Variants in DNAH17 observed in about 807,000 individuals in gnomAD.
The protein encoded by DNAH17 is dynein axonemal heavy chain 17.
Under a neutral mutation model 485.6 loss-of-function variants are expected in DNAH17, and 376 were observed. The observed-to-expected ratio is 0.77, with a 90% CI of 0.71 to 0.84. The LOEUF (loss-of-function observed/expected upper bound fraction) is 0.84. Among genes scored for constraint, DNAH17 ranks in the 40% least tolerant of loss-of-function variants. DNAH17 has a pLI of 0.00. For synonymous variants in DNAH17, 3,031 were observed against 2,405.9 expected, an observed-to-expected ratio of 1.26 and a Z score of -7.60; for missense variants, 6,370 against 5,839.3, an observed-to-expected ratio of 1.09 and a Z score of -2.96.
chr17:78,558,883 T>C (rs919631214), intron 13 of DNAH17, among the ~76,000 whole-genome samples: 5 of 152,184 alleles, frequency 3.3e-5, no homozygotes, highest in African/African-American at 9.6e-5. Context: ...TATTGCTGAA[T>C]CCACTGGTCA....
rs2087558465 is a variant in DNAH17 at position 78,451,635 on chromosome 17, G to A, written c.10568C>T (p.Pro3523Leu). Reference sequence around the variant, plus strand: ...GGTGTGTAGGATCAGGCGGAACTTGGGGTGGTACTCCACCTCCTTGTCACC... The same window carrying A: ...GGTGTGTAGGATCAGGCGGAACTTGAGGTGGTACTCCACCTCCTTGTCACC... The part of the protein sequence containing the change: ...KIGDKEVEYH[P>L]KFRLILHTKY... Residue 3523 changes from proline (P) to leucine (L), a missense_variant, in exon 66 of 81, where the codon CCC (proline) becomes CTC (leucine). Coordinates refer to ENST00000389840, the MANE Select transcript of DNAH17 (RefSeq NM_173628.4). 6.3e-7 allele frequency: 1 copy of A among 1,594,988 alleles called. No homozygotes were observed. The highest frequency in any genetic ancestry group is 8.5e-7 in the Non-Finnish European group (1 of 1,170,564).
At position 78,441,105 on chromosome 17, in the gene DNAH17, T is replaced by C. The variant is rs141735178; in HGVS notation, c.11623A>G (p.Ile3875Val). ...SYEESSPSTSIFFILSPGVDP... is the reference protein window; with the variant it reads ...SYEESSPSTSVFFILSPGVDP... Reference sequence around the variant, plus strand: ...ACCCCCGGGGAGAGGATGAAGAAGATTGACGTGGAGGGGCTGCTCTCCTCG... The same window carrying C: ...ACCCCCGGGGAGAGGATGAAGAAGACTGACGTGGAGGGGCTGCTCTCCTCG... Residue 3875 changes from isoleucine (I) to valine (V), a missense_variant, in exon 72 of 81, where the codon ATC becomes GTC. Ile to Val is a conservative substitution (Grantham distance 29). Coordinates refer to ENST00000389840, the MANE Select transcript of DNAH17 (RefSeq NM_173628.4). 320 of 1,613,398 alleles carry C rather than the reference T, an allele frequency of 2.0e-4. No homozygotes were observed. Among genetic ancestry groups the C allele is most frequent in the African/African-American group, 1.7e-3 (131 of 74,940 alleles).
chr17:78,545,036 C>T (rs552393207), intron 16 of DNAH17, among the ~76,000 whole-genome samples: 1 of 152,092 alleles, frequency 6.6e-6, no homozygotes, highest in South Asian at 2.1e-4. Flanking sequence ...ACCTTTCCTC[C>T]TCCTCACGGC....
At position 78,501,877 on chromosome 17, in the gene DNAH17, C is replaced by CG. The variant is rs752171987; in HGVS notation, c.5191-5dup. ...TGAGTACGTTCAGCTGGCTAATCTG[C>CG]GGGGGAGAGTGCCTTCGATGAGACA... On this transcript the variant is annotated splice_region_variant and splice_polypyrimidine_tract_variant and intron_variant, in intron 33 of 80. Transcript: ENST00000389840. 3.7e-6 allele frequency: 6 copies of CG among 1,613,734 alleles called. No individual in the cohort carries two copies. The highest frequency in any genetic ancestry group is 1.7e-5 in the Admixed American group (1 of 59,986).
chr17:78,448,221 T>C (rs1392016715), intron 69 of DNAH17, among the ~76,000 whole-genome samples: 4 of 150,212 alleles, frequency 2.7e-5, no homozygotes, highest in Non-Finnish European at 4.4e-5. Context: ...AAAAATTAGC[T>C]AGGCACAGCA....
At chr17:78,450,603 T>C (rs1485535480) in intron 67 of DNAH17, 79 bp downstream of exon 67, 1 of 1,522,422 alleles carries the variant, frequency 6.6e-7, no homozygotes, top group East Asian at 2.4e-5. Flanking sequence ...TCCTTTCTCA[T>C]GGTAGGGAGG....
chr17:78,502,016 C>A (rs1272826683), intron 33 of DNAH17, 143 bp from the exon 34 acceptor site: 2 of 1,207,030 alleles, frequency 1.7e-6, no homozygotes, highest in African/African-American at 1.5e-5. Flanking sequence ...CCTCGGTAGG[C>A]CCCAGCCAGG....
intron 52 of DNAH17, 134 bp downstream of exon 52, chr17:78,476,438 T>C: frequency 9.3e-7 from 1 of 1,075,454 alleles, no homozygotes; most frequent in Admixed American, 2.9e-5. Flanking sequence ...AATGATCGCG[T>C]GGAACCTAAC....
chr17:78,456,618 A>G (rs1246514519), intron 62 of DNAH17, among the ~76,000 whole-genome samples: 1 of 152,174 alleles, frequency 6.6e-6, no homozygotes, highest in Non-Finnish European at 1.5e-5. Context: ...TCGGGCCACC[A>G]TCTTGAGGAC....
intron 37 of DNAH17, among the ~76,000 whole-genome samples, chr17:78,498,576 C>T (rs1021525993): frequency 8.5e-5 from 13 of 152,226 alleles, no homozygotes; most frequent in African/African-American, 2.9e-4. Flanking sequence ...CTCCGCTGCA[C>T]GCTCTGTGCC....
At position 78,455,739 on chromosome 17, in the gene DNAH17, T is replaced by A; in HGVS notation, c.10075A>T (p.Ile3359Phe). The change falls in exon 63 of 81, where the codon ATC becomes TTC. Residue 3359 changes from isoleucine to phenylalanine, a missense_variant. Ile to Phe is a conservative substitution (Grantham distance 21, BLOSUM62 0). Transcript: ENST00000389840. ...GVTLCGDVLLISAFVSYVGYF... is the reference protein window; with the variant it reads ...GVTLCGDVLLFSAFVSYVGYF... ...CCCACGTAGGACACGAAGGCAGAGA[T>A]GAGCAGGACGTCCCCACACAGCGTG... 1 of 1,612,738 alleles carries A rather than the reference T, an allele frequency of 6.2e-7. No individual in the cohort carries two copies. The highest frequency in any genetic ancestry group is 8.5e-7 in the Non-Finnish European group (1 of 1,179,462).
intron 54 of DNAH17, among the ~76,000 whole-genome samples, chr17:78,474,442 G>A (rs1283164272): frequency 1.3e-5 from 2 of 152,246 alleles, no homozygotes; most frequent in Non-Finnish European, 2.9e-5. Flanking sequence ...TTGGGCATGG[G>A]AGACCTTATG....
chr17:78,445,098 G>A (rs980856076), intron 70 of DNAH17, among the ~76,000 whole-genome samples: 2 of 152,104 alleles, frequency 1.3e-5, no homozygotes, highest in Non-Finnish European at 2.9e-5. Context: ...CTCAGGGGAC[G>A]ACCTTCTTCA....
chr17:78,450,204 G>GA (rs2087485993), intron 68 of DNAH17, 50 bp downstream of exon 68: 1 of 1,605,874 alleles, frequency 6.2e-7, no homozygotes, highest in African/African-American at 1.3e-5. Flanking sequence ...GTGGAGCCCA[G>GA]ATGCAGCCCC....
Position 78,530,881 on chromosome 17 carries a change from G to T in DNAH17, c.3115-369C>A, listed in dbSNP as rs112683595. On this transcript the variant is annotated intron_variant, in intron 20 of 80. Transcript: ENST00000389840. ...TGAGGCCTCTGTCACTCCTCCTGCT[G>T]CCCCAACCCTGTGCTACAGAATGTA... Among the ~76,000 whole-genome samples the T allele has an allele frequency of 7.3e-3, 1,112 of 152,298 alleles. 18 individuals carry two copies. Among genetic ancestry groups the T allele is most frequent in the African/African-American group, 0.024 (997 of 41,564 alleles).
intron 19 of DNAH17, among the ~76,000 whole-genome samples, chr17:78,533,378 G>T (rs1450541228): frequency 6.6e-6 from 1 of 152,306 alleles, no homozygotes; most frequent in East Asian, 1.9e-4. Flanking sequence ...TCTGAGAGCT[G>T]ATGGATGGGT....
chr17:78,537,266 C>T, intron 19 of DNAH17, 33 bp downstream of exon 19: 2 of 1,545,050 alleles, frequency 1.3e-6, no homozygotes, highest in South Asian at 2.4e-5. Flanking sequence ...CAATGGATGA[C>T]CCTGTGTACG....
intron 75 of DNAH17, among the ~76,000 whole-genome samples, chr17:78,430,363 G>T (rs549149446): frequency 6.6e-6 from 1 of 152,138 alleles, no homozygotes; most frequent in African/African-American, 2.4e-5. Flanking sequence ...AAATCCTGCC[G>T]CTCACAGTCA....
intron 62 of DNAH17, chr17:78,458,329 A>C: frequency 1.8e-6 from 1 of 550,678 alleles, no homozygotes. Flanking sequence ...CGTGGGACCC[A>C]GTGTCCCAGG....
Sources: gnomAD v4.1 joint callset for allele counts (sites outside exome capture counted in the v4.1 genomes callset) on GRCh38, gnomAD v4.1.1 for gene constraint, MANE v1.5 for transcripts, NCBI Gene and HGNC (gene_info 2026-07-23, HGNC 2026-07-21) for gene names.